The following ZNF177 variants were observed in gnomAD, a reference collection of about 807,000 sequenced individuals.
ZNF177 encodes the protein zinc finger protein 177.
A neutral mutation model predicts 19.4 loss-of-function variants in ZNF177; 17 were observed. That is an observed-to-expected ratio of 0.87 (90% CI 0.60 to 1.31). The LOEUF is 1.31. ZNF177 is among the 40% of genes most tolerant of loss of function. The probability of loss-of-function intolerance (pLI) is 0.00; values close to 1 mark genes in which losing one functional copy is unlikely to be tolerated. For missense variants in ZNF177, 633 were observed against 561.8 expected (o/e 1.13, Z -1.28); for synonymous variants, 220 against 188.7 (o/e 1.17, Z -1.36).
At chr19:9,381,827 A>G in exon 6 of ZNF177, 2 of 1,537,602 alleles carry the variant, frequency 1.3e-6, no homozygotes, top group Non-Finnish European at 1.7e-6. Flanking sequence ...TTCTCACTTT[A>G]GAACATATAT....
upstream of ZNF177, among the ~76,000 whole-genome samples, chr19:9,372,081 C>G (rs1169788979): frequency 1.3e-5 from 2 of 152,126 alleles, no homozygotes; most frequent in African/African-American, 4.8e-5. Flanking sequence ...TTAAACTGTG[C>G]CTTCCTCAAT....
At chr19:9,381,794 GTTTGT>G in exon 6 of ZNF177, 1 of 1,573,134 alleles carries the variant, frequency 6.4e-7, no homozygotes. Context: ...TCAGGGAAGT[GTTTGT>G]TGCCCCTCAT....
chr19:9,374,491 A>G (rs1290664483), upstream of ZNF177, among the ~76,000 whole-genome samples: 1 of 152,128 alleles, frequency 6.6e-6, no homozygotes, highest in Non-Finnish European at 1.5e-5. Context: ...ATTTGACAAT[A>G]TTGATTCTTC....
At chr19:9,378,426 C>T in intron 2 of ZNF177, 82 bp downstream of exon 4, 3 of 1,585,864 alleles carry the variant, frequency 1.9e-6, no homozygotes, top group Non-Finnish European at 2.6e-6. Context: ...CCTGAAGCTT[C>T]ACAGCCCAAT....
chr19:9,382,340 T>G (rs1054337961), downstream of ZNF177: 2 of 398,952 alleles, frequency 5.0e-6, no homozygotes, highest in Admixed American at 4.4e-5. Context: ...CATCTGGTGT[T>G]TTTTTCTTAA....
chr19:9,381,852 G>A, exon 6 of ZNF177: 1 of 1,514,540 alleles, frequency 6.6e-7, no homozygotes, highest in Middle Eastern at 1.8e-4. Flanking sequence ...GAGAAGCCCT[G>A]TTATGGTCAC....
At chr19:9,366,016 C>G (rs2067974148) in intron 2 of ZNF177, among the ~76,000 whole-genome samples, 1 of 152,148 alleles carries the variant, frequency 6.6e-6, no homozygotes, top group Admixed American at 6.5e-5. Flanking sequence ...CCAAATCTAC[C>G]TCTGTCGCCA....
At chr19:9,366,550 C>G (rs2067982501) in intron 2 of ZNF177, among the ~76,000 whole-genome samples, 1 of 152,210 alleles carries the variant, frequency 6.6e-6, no homozygotes, top group Non-Finnish European at 1.5e-5. Context: ...AGTCACCATG[C>G]CTGGCCTTCA....
rs1263203974 is a variant in ZNF177 at position 9,378,818 on chromosome 19, A to G, written c.34-144A>G. ...GTTCTGAGAACTCAGCTTTAAGGCA[A>G]ATTAAGAGAAGGCCTCTGATGCATG... On this transcript the variant is annotated intron_variant, in intron 2 of 5. Coordinates refer to ENST00000589262, the Ensembl canonical transcript of ZNF177. 8 of 1,297,252 alleles carry G rather than the reference A, an allele frequency of 6.2e-6. No individual in the cohort carries two copies. In the South Asian group the frequency reaches 8.3e-5, roughly 13 times the overall value. The allele number at this position is 1,297,252 out of a possible 1,614,324, so 80.4% of individuals were successfully genotyped here. A position where few individuals can be genotyped will look rare whatever the true frequency, so the allele number is the denominator to read the frequency against.
intron 3 of ZNF177, 121 bp from the exon 6 acceptor site, chr19:9,379,406 C>T (rs2068157075): frequency 7.5e-7 from 1 of 1,340,870 alleles, no homozygotes; most frequent in Admixed American, 2.5e-5. Context: ...TTTTGTTGTT[C>T]CTAAAGCTGC....
intron 2 of ZNF177, among the ~76,000 whole-genome samples, chr19:9,370,442 CTCAT>C (rs1457669178): frequency 6.7e-6 from 1 of 148,446 alleles, no homozygotes; most frequent in Non-Finnish European, 1.5e-5. Context: ...GAGATGGGGT[CTCAT>C]TCTGTTGCTC....
At chr19:9,379,275 A>G in intron 3 of ZNF177, 187 bp downstream of exon 5, 1 of 1,167,928 alleles carries the variant, frequency 8.6e-7, no homozygotes, top group East Asian at 2.6e-5. Flanking sequence ...TCTATCACTA[A>G]TAGCTTAAGG....
intron 1 of ZNF177, among the ~76,000 whole-genome samples, chr19:9,376,778 A>C (rs2068115382): frequency 6.6e-6 from 1 of 152,092 alleles, no homozygotes; most frequent in Non-Finnish European, 1.5e-5. Context: ...TTTATCTTTT[A>C]ATCTTTTACA....
chr19:9,382,333 C>T, downstream of ZNF177: 1 of 399,058 alleles, frequency 2.5e-6, no homozygotes, highest in East Asian at 3.6e-5. Context: ...AATATCTCAT[C>T]TGGTGTTTTT....
intron 2 of ZNF177, among the ~76,000 whole-genome samples, chr19:9,371,267 G>C (rs956208139): frequency 1.3e-5 from 2 of 151,866 alleles, no homozygotes; most frequent in African/African-American, 4.8e-5. Flanking sequence ...ATCTTAACAG[G>C]GTCCCAACAT....
chr19:9,375,717 A>C (rs2068100544), upstream of ZNF177, among the ~76,000 whole-genome samples: 1 of 151,980 alleles, frequency 6.6e-6, no homozygotes, highest in Admixed American at 6.6e-5. Context: ...GTCTATTTTA[A>C]TCTTAAGTAG....
Position 9,378,994 on chromosome 19 carries a change from CT to C in ZNF177, c.70del (p.Ser24ProfsTer19). ...TAACCTTCCAGGAAGTGGCAGTGGA[CT>C]TTTCCCAGGAGGAGTGGGCATTGCT... On this transcript the variant is annotated frameshift_variant, in exon 3 of 6. Transcript: ENST00000589262. LOFTEE classifies it high-confidence loss of function. 1 of 1,609,428 alleles carries C rather than the reference CT, an allele frequency of 6.2e-7. No individual in the cohort carries two copies. The highest frequency in any genetic ancestry group is 1.1e-5 in the South Asian group (1 of 90,522).
At chr19:9,381,780 T>C (rs1225738240) in exon 6 of ZNF177, 1 of 1,590,124 alleles carries the variant, frequency 6.3e-7, no homozygotes, top group Admixed American at 1.8e-5. Flanking sequence ...ATGAATGAAA[T>C]GACTCAGGGA....
chr19:9,379,877 A>G (rs2068167346), intron 4 of ZNF177, among the ~76,000 whole-genome samples, 180 bp from the exon 7 acceptor site: 1 of 151,876 alleles, frequency 6.6e-6, no homozygotes, highest in African/African-American at 2.4e-5. Flanking sequence ...TTTCTAACTA[A>G]AATACCTCCC....
Sources: gnomAD v4.1 joint callset for allele counts (sites outside exome capture counted in the v4.1 genomes callset) on GRCh38, gnomAD v4.1.1 for gene constraint, MANE v1.5 for transcripts, NCBI Gene and HGNC (gene_info 2026-07-23, HGNC 2026-07-21) for gene names.